Variants in TAFA2 observed in about 807,000 individuals in gnomAD.
The protein encoded by TAFA2 is chemokine-like protein TAFA-2.
Under a neutral mutation model 18.8 loss-of-function variants are expected in TAFA2, and 7 were observed. That is an observed-to-expected ratio of 0.37 (90% CI 0.21 to 0.70). The LOEUF (loss-of-function observed/expected upper bound fraction) is 0.70, where lower values mean the gene tolerates loss of function less well. TAFA2 is among the 30% of genes least tolerant of loss of function. The pLI, the probability that TAFA2 is intolerant of heterozygous loss-of-function variation, is 0.53. For missense variants in TAFA2, 122 were observed against 158.1 expected, an observed-to-expected ratio of 0.77 and a Z score of 1.23; for synonymous variants, 60 against 54.2, an observed-to-expected ratio of 1.11 and a Z score of -0.47.
intron 2 of TAFA2, among the ~76,000 whole-genome samples, chr12:61,824,347 A>G (rs578148372): frequency 6.6e-6 from 1 of 152,274 alleles, no homozygotes; most frequent in Admixed American, 6.5e-5. Context: ...AAACCATGAG[A>G]TAATAAATGT....
intron 1 of TAFA2, among the ~76,000 whole-genome samples, chr12:61,925,964 A>G (rs1405657028): frequency 1.3e-5 from 2 of 152,194 alleles, no homozygotes; most frequent in Non-Finnish European, 2.9e-5. Flanking sequence ...CCAGACTAAT[A>G]AAGAAGAAAA....
intron 1 of TAFA2, among the ~76,000 whole-genome samples, chr12:61,882,801 T>C (rs1221522564): frequency 2.0e-5 from 3 of 152,176 alleles, no homozygotes; most frequent in African/African-American, 7.2e-5. Flanking sequence ...ATACTTGGAT[T>C]CAAGACTTGG....
intron 1 of TAFA2, among the ~76,000 whole-genome samples, chr12:62,240,392 C>T (rs2062857336): frequency 1.3e-5 from 2 of 151,322 alleles, no homozygotes; most frequent in South Asian, 4.2e-4. Flanking sequence ...GCACTCCAGC[C>T]TGGGTGACAG....
chr12:61,954,710 G>T (rs1342281021), intron 1 of TAFA2, among the ~76,000 whole-genome samples: 1 of 152,072 alleles, frequency 6.6e-6, no homozygotes, highest in African/African-American at 2.4e-5. Flanking sequence ...TTTGTGAGCT[G>T]CTTATTACAA....
Position 61,873,037 on chromosome 12 carries a change from A to G in TAFA2, c.-1-5611T>C, listed in dbSNP as rs373367035. On this transcript the variant is annotated intron_variant, in intron 1 of 4. Transcript: ENST00000416284. The stretch of plus-strand genomic sequence containing the variant: ...CCTGCCTGTAAGTCACTGCTCTAGC[A>G]CATAGAACATCACCTGGATCATGGA... Among the ~76,000 whole-genome samples the G allele has an allele frequency of 2.7e-4, 41 of 152,348 alleles. 2 individuals are homozygous for G. The East Asian group carries it at 4.6e-3, about 17-fold the overall frequency.
At chr12:61,890,785 C>A (rs1397667470) in intron 1 of TAFA2, among the ~76,000 whole-genome samples, 2 of 152,186 alleles carry the variant, frequency 1.3e-5, no homozygotes, top group Non-Finnish European at 2.9e-5. Context: ...GACAGAGTCA[C>A]CTCCCTCCAG....
At chr12:62,000,890 T>G (rs188631303) in intron 1 of TAFA2, among the ~76,000 whole-genome samples, 1 of 152,334 alleles carries the variant, frequency 6.6e-6, no homozygotes, top group East Asian at 1.9e-4. Context: ...AGTGATAGGA[T>G]GCAGAATAGT....
At chr12:62,001,254 T>C (rs1283521250) in intron 1 of TAFA2, among the ~76,000 whole-genome samples, 1 of 152,164 alleles carries the variant, frequency 6.6e-6, no homozygotes, top group Non-Finnish European at 1.5e-5. Context: ...CCCAACCTTT[T>C]TGGCATGAGG....
intron 1 of TAFA2, among the ~76,000 whole-genome samples, chr12:61,921,886 C>A (rs960407212): frequency 1.3e-5 from 2 of 151,910 alleles, no homozygotes; most frequent in African/African-American, 4.8e-5. Flanking sequence ...GAGACAAAAA[C>A]GAGGTGGTAC....
intron 1 of TAFA2, among the ~76,000 whole-genome samples, chr12:62,033,342 T>C (rs1881513274): frequency 6.6e-6 from 1 of 152,144 alleles, no homozygotes; most frequent in African/African-American, 2.4e-5. Context: ...AAATAGATAA[T>C]GACTAAAAAT....
At chr12:62,256,757 T>G (rs372362370) in intron 1 of TAFA2, among the ~76,000 whole-genome samples, 1 of 152,212 alleles carries the variant, frequency 6.6e-6, no homozygotes, top group East Asian at 1.9e-4. Context: ...CAAAAGTGCC[T>G]CGTGGCACTT....
intron 1 of TAFA2, among the ~76,000 whole-genome samples, chr12:62,069,643 CAT>C (rs774101044): frequency 6.6e-6 from 1 of 152,124 alleles, no homozygotes; most frequent in Non-Finnish European, 1.5e-5. Context: ...TCCTTACATA[CAT>C]AGAGTCCAAG....
intron 1 of TAFA2, among the ~76,000 whole-genome samples, chr12:62,175,500 T>C (rs932465575): frequency 6.6e-6 from 1 of 152,186 alleles, no homozygotes; most frequent in Non-Finnish European, 1.5e-5. Context: ...ATATTATCAT[T>C]TCTTCAAACT....
At chr12:61,868,040 G>T (rs1331411611) in intron 1 of TAFA2, among the ~76,000 whole-genome samples, 1 of 152,014 alleles carries the variant, frequency 6.6e-6, no homozygotes, top group Non-Finnish European at 1.5e-5. Context: ...AGAGGTAGGA[G>T]AAAAATGAAA....
intron 1 of TAFA2, among the ~76,000 whole-genome samples, chr12:62,038,831 G>T (rs1881681665): frequency 6.6e-6 from 1 of 152,130 alleles, no homozygotes. Flanking sequence ...AGAGTACACT[G>T]TACATCTTGA....
At chr12:62,255,949 C>T (rs2062936267) in intron 1 of TAFA2, among the ~76,000 whole-genome samples, 1 of 151,826 alleles carries the variant, frequency 6.6e-6, no homozygotes, top group East Asian at 2.0e-4. Flanking sequence ...GTATAGTCAG[C>T]TTTCTAGTAC....
intron 4 of TAFA2, among the ~76,000 whole-genome samples, chr12:61,752,430 T>C (rs1869063315): frequency 6.6e-6 from 1 of 151,994 alleles, no homozygotes; most frequent in Non-Finnish European, 1.5e-5. Context: ...ATGGTATAAA[T>C]AGCTTATAAG....
At chr12:61,828,592 C>A (rs1480556720) in intron 2 of TAFA2, among the ~76,000 whole-genome samples, 1 of 151,738 alleles carries the variant, frequency 6.6e-6, no homozygotes, top group East Asian at 1.9e-4. Flanking sequence ...ATACACTTGG[C>A]ATTAGTAACT....
intron 1 of TAFA2, among the ~76,000 whole-genome samples, chr12:62,230,367 G>GGATC (rs1352724895): frequency 6.6e-6 from 1 of 151,640 alleles, no homozygotes; most frequent in African/African-American, 2.4e-5. Context: ...TTCCCTCTTA[G>GGATC]TACTGCTTTT....
Sources: allele counts gnomAD v4.1 joint callset (sites outside exome capture counted in the v4.1 genomes callset), GRCh38; gene constraint gnomAD v4.1.1; transcripts MANE v1.5; gene names NCBI Gene and HGNC (gene_info 2026-07-23, HGNC 2026-07-21).